C1QTNF7: variants seen among roughly 807,000 people sequenced by gnomAD.
The protein encoded by C1QTNF7 is complement C1q tumor necrosis factor-related protein 7.
Under a neutral mutation model 19.6 loss-of-function variants are expected in C1QTNF7, and 15 were observed. The observed-to-expected ratio is 0.76, with a 90% CI of 0.51 to 1.18. C1QTNF7 has a LOEUF of 1.18. C1QTNF7 is among the 50% of genes most tolerant of loss of function. The pLI is 0.00. For missense variants in C1QTNF7, 324 were observed against 359.7 expected (o/e 0.90, Z 0.80); for synonymous variants, 142 against 137.5 (o/e 1.03, Z -0.23).
rs552155873 is a variant in C1QTNF7, at chr4:15,435,658, T to C, written c.-8-78T>C. ...TTGTTGCAAATGCACATTCTCTTGT[T>C]CAAACTGATTCAATCATGCCAAACC... On this transcript the variant is annotated intron_variant, in intron 1 of 2. Transcript: ENST00000444304. The C allele has an allele frequency of 3.7e-4, 577 of 1,569,638 alleles. 4 individuals carry two copies. The highest frequency in any genetic ancestry group is 2.7e-5 in the Non-Finnish European group (31 of 1,155,492).
intron 1 of C1QTNF7, among the ~76,000 whole-genome samples, chr4:15,368,254 A>G (rs1178524033): frequency 1.3e-5 from 2 of 150,638 alleles, no homozygotes; most frequent in East Asian, 3.9e-4. Flanking sequence ...CACACCCCCG[A>G]CTCTTTCAGC....
At chr4:15,414,638 T>C (rs1719524219) in intron 1 of C1QTNF7, among the ~76,000 whole-genome samples, 1 of 152,150 alleles carries the variant, frequency 6.6e-6, no homozygotes, top group Non-Finnish European at 1.5e-5. Context: ...TCCTTTTCTA[T>C]TTAGAATCTG....
intron 1 of C1QTNF7, among the ~76,000 whole-genome samples, chr4:15,388,895 G>T (rs1281999591): frequency 6.6e-6 from 1 of 152,170 alleles, no homozygotes; most frequent in Non-Finnish European, 1.5e-5. Context: ...GAGGACATGA[G>T]ATTCACCTCT....
intron 1 of C1QTNF7, among the ~76,000 whole-genome samples, chr4:15,431,790 G>T (rs893973035): frequency 1.5e-4 from 23 of 152,116 alleles, no homozygotes; most frequent in Admixed American, 1.2e-3. Context: ...CTTCAACAAA[G>T]ATCCCTGCCC....
At chr4:15,426,206 C>A (rs1712040184), upstream of C1QTNF7, among the ~76,000 whole-genome samples, 1 of 152,158 alleles carries the variant, frequency 6.6e-6, no homozygotes, top group Admixed American at 6.6e-5. Flanking sequence ...CAAAATAAGA[C>A]CCCGTCCTTG....
At chr4:15,397,209 T>C (rs1324558083) in intron 1 of C1QTNF7, among the ~76,000 whole-genome samples, 1 of 152,118 alleles carries the variant, frequency 6.6e-6, no homozygotes, top group African/African-American at 2.4e-5. Context: ...CAATCCAAGA[T>C]GAGATTTGGG....
intron 1 of C1QTNF7, among the ~76,000 whole-genome samples, chr4:15,416,481 G>A (rs1014911058): frequency 2.6e-5 from 4 of 152,268 alleles, no homozygotes; most frequent in Middle Eastern, 3.4e-3. Flanking sequence ...AGGTGATCCT[G>A]AACGCTGACC....
upstream of C1QTNF7, among the ~76,000 whole-genome samples, chr4:15,424,450 CG>C (rs1412244335): frequency 1.3e-5 from 2 of 152,178 alleles, no homozygotes; most frequent in Non-Finnish European, 2.9e-5. Context: ...CTGGCTCTTT[CG>C]GGGTGAAGGT....
rs531950261 is a variant in C1QTNF7, at chr4:15,398,494, T to G, written c.14-37242T>G. Among the ~76,000 whole-genome samples the G allele has an allele frequency of 2.0e-5, 3 of 152,244 alleles. No individual in the cohort carries two copies. In the South Asian group the frequency reaches 6.2e-4, roughly 32 times the overall value. ...CCTTCACAGACTTTCTGTTCCACAG[T>G]GAACACTTCAGCATATCTCTTCTGG... On this transcript the variant is annotated intron_variant, in intron 1 of 2. Coordinates refer to the C1QTNF7 transcript ENST00000295297.
At chr4:15,384,851 G>A (rs1386766433) in intron 1 of C1QTNF7, among the ~76,000 whole-genome samples, 6 of 152,216 alleles carry the variant, frequency 3.9e-5, no homozygotes, top group South Asian at 2.1e-4. Flanking sequence ...AGTGGCCTCC[G>A]GGGAGTGGGG....
intron 1 of C1QTNF7, among the ~76,000 whole-genome samples, chr4:15,392,839 C>T (rs2192354): frequency 0.22 from 33,575 of 152,066 alleles, 4,466 homozygotes; most frequent in East Asian, 0.28. Context: ...TGAGAGTAAC[C>T]GGGAAAACAG....
rs1312061525 is a variant in C1QTNF7 at position 15,444,195 on chromosome 4, T to G, written c.*1396T>G. The G allele has an allele frequency of 6.6e-6, 1 of 152,204 alleles. No individual in the cohort carries two copies. The highest frequency in any genetic ancestry group is 2.4e-5 in the African/African-American group (1 of 41,448). 9.4% of individuals were successfully genotyped at this position (152,204 alleles called of 1,614,324 possible). Reference sequence around the variant, plus strand: ...TCTCTGCTCATTGACTTATAAATAGTTTTCATACCTCTTATGTTTGAATCA... The same window carrying G: ...TCTCTGCTCATTGACTTATAAATAGGTTTCATACCTCTTATGTTTGAATCA... On this transcript the variant is annotated 3_prime_UTR_variant, in exon 3 of 3. Coordinates refer to ENST00000444304, the MANE Select transcript of C1QTNF7 (RefSeq NM_031911.5).
intron 1 of C1QTNF7, chr4:15,358,375 T>G (rs1360041072): frequency 2.0e-5 from 3 of 152,196 alleles, no homozygotes; most frequent in African/African-American, 7.2e-5. Context: ...TGGATTACAT[T>G]TATTGATTTG....
chr4:15,342,420 T>C (rs925934758), intron 1 of C1QTNF7, among the ~76,000 whole-genome samples: 8 of 152,144 alleles, frequency 5.3e-5, no homozygotes, highest in African/African-American at 1.9e-4. Flanking sequence ...CTTAACCGAG[T>C]GTCCACTCTG....
chr4:15,432,848 T>A (rs573563187), intron 1 of C1QTNF7, among the ~76,000 whole-genome samples: 1 of 152,378 alleles, frequency 6.6e-6, no homozygotes, highest in South Asian at 2.1e-4. Flanking sequence ...ATTCAATGAA[T>A]AAATCTGTTT....
intron 1 of C1QTNF7, among the ~76,000 whole-genome samples, chr4:15,341,994 G>A (rs1175610339): frequency 6.6e-6 from 1 of 152,240 alleles, no homozygotes; most frequent in African/African-American, 2.4e-5. Context: ...GGGCCCCAGA[G>A]GGCCCCAAAG....
intron 1 of C1QTNF7, among the ~76,000 whole-genome samples, chr4:15,400,270 T>C (rs910561914): frequency 5.9e-5 from 9 of 152,352 alleles, no homozygotes; most frequent in Middle Eastern, 3.4e-3. Flanking sequence ...AGTCTGTATA[T>C]TGCAAAAAGA....
intron 1 of C1QTNF7, among the ~76,000 whole-genome samples, chr4:15,365,076 G>A (rs1003833482): frequency 1.3e-5 from 2 of 152,042 alleles, no homozygotes; most frequent in African/African-American, 2.4e-5. Context: ...TTGCACACTC[G>A]TGTGTCTGAC....
At chr4:15,427,054 C>T (rs1374632145), upstream of C1QTNF7, among the ~76,000 whole-genome samples, 1 of 152,142 alleles carries the variant, frequency 6.6e-6, no homozygotes, top group African/African-American at 2.4e-5. Flanking sequence ...TTTTGGAAAG[C>T]CAACAAATTC....
Sources: gnomAD v4.1 joint callset for allele counts (sites outside exome capture counted in the v4.1 genomes callset) on GRCh38, gnomAD v4.1.1 for gene constraint, MANE v1.5 for transcripts, NCBI Gene and HGNC (gene_info 2026-07-23, HGNC 2026-07-21) for gene names.